EPB41L2: variants seen among roughly 807,000 people sequenced by gnomAD.
EPB41L2 encodes the protein erythrocyte membrane protein band 4.1 like 2, also known as band 4.1-like protein 2.
A neutral mutation model predicts 113.0 loss-of-function variants in EPB41L2; 43 were observed. That is an observed-to-expected ratio of 0.38 (90% CI 0.30 to 0.49). The LOEUF (loss-of-function observed/expected upper bound fraction) is 0.49, where lower values mean the gene tolerates loss of function less well. Ranked by LOEUF, EPB41L2 falls within the 20% of genes least tolerant of loss-of-function variation. EPB41L2 has a pLI of 0.95. For missense variants in EPB41L2, 1,147 were observed against 1,223.4 expected (o/e 0.94, Z 0.93); for synonymous variants, 442 against 436.7 (o/e 1.01, Z -0.15).
intron 4 of EPB41L2, among the ~76,000 whole-genome samples, chr6:130,920,412 C>G (rs1802497659): frequency 6.6e-6 from 1 of 152,170 alleles, no homozygotes; most frequent in Admixed American, 6.5e-5. Flanking sequence ...TTTACATCCT[C>G]TAGTATCATT....
At chr6:130,876,106 T>A (rs915004197) in intron 14 of EPB41L2, among the ~76,000 whole-genome samples, 1 of 152,034 alleles carries the variant, frequency 6.6e-6, no homozygotes, top group Non-Finnish European at 1.5e-5. Flanking sequence ...CCTGGCTAAG[T>A]AAAATCAGTA....
chr6:130,966,107 T>C (rs1170338051), intron 1 of EPB41L2, among the ~76,000 whole-genome samples: 1 of 152,180 alleles, frequency 6.6e-6, no homozygotes, highest in African/African-American at 2.4e-5. Context: ...ATTCAAAGCT[T>C]TCCTGGGCCT....
intron 3 of EPB41L2, among the ~76,000 whole-genome samples, chr6:130,942,471 C>A (rs1811191523): frequency 6.6e-6 from 1 of 152,192 alleles, no homozygotes; most frequent in Non-Finnish European, 1.5e-5. Flanking sequence ...GTAATGATGA[C>A]AGAATGATTC....
intron 1 of EPB41L2, among the ~76,000 whole-genome samples, chr6:130,991,238 T>A (rs573222785): frequency 1.3e-5 from 2 of 152,248 alleles, no homozygotes; most frequent in Admixed American, 6.5e-5. Flanking sequence ...ACTGCCCCCA[T>A]CTGCCATGTT....
chr6:130,881,273 T>A (rs1789232293), intron 12 of EPB41L2: 2 of 152,206 alleles, frequency 1.3e-5, no homozygotes, highest in South Asian at 4.1e-4. Flanking sequence ...TAGTGTCAAA[T>A]CTGAGAGTTC....
Position 130,947,120 on chromosome 6 carries a change from C to A in EPB41L2, c.705+7985G>T, listed in dbSNP as rs115216207. Among the ~76,000 whole-genome samples the A allele has an allele frequency of 3.6e-3, 535 of 149,200 alleles. 1 individual carries two copies. The highest frequency in any genetic ancestry group is 0.013 in the African/African-American group (501 of 40,066). On this transcript the variant is annotated intron_variant, in intron 3 of 19. Coordinates refer to ENST00000337057, the MANE Select transcript of EPB41L2 (RefSeq NM_001431.4). ...TTTGCTAGGTCCTGTATACCAATGA[C>A]TTTACAACCTCTGGTCCATTACTAA...
chr6:130,883,862 T>C (rs1790065653), intron 12 of EPB41L2, among the ~76,000 whole-genome samples: 1 of 152,230 alleles, frequency 6.6e-6, no homozygotes. Flanking sequence ...TCACTTGCTA[T>C]ACAGGTAGCA....
At position 130,869,819 on chromosome 6, in the gene EPB41L2, G is replaced by A. The variant is rs562256924; in HGVS notation, c.2351C>T (p.Ala784Val). ...EEEVEEEPRP[A>V]AKVVEREEAV... is the part of the protein sequence containing the mutation. ...TTCCTCCCTCTCTACTACCTTGGCT[G>A]CCGGGCGGGGTTCTTCCTCCACCTC... Residue 784 changes from alanine (A) to valine (V), a missense_variant, in exon 15 of 20, where the codon GCA becomes GTA. Transcript: ENST00000337057. 5.0e-6 allele frequency: 8 copies of A among 1,613,874 alleles called. No homozygotes were observed. The Admixed American group carries it at 1.2e-4, about 24-fold the overall frequency.
chr6:130,944,157 GTACATACACACACA>G (rs1811891582), intron 3 of EPB41L2, among the ~76,000 whole-genome samples: 1 of 71,554 alleles, frequency 1.4e-5, no homozygotes, highest in African/African-American at 3.9e-5. Context: ...ATATATATAC[GTACATACACACACA>G]TACACACACA....
chr6:130,993,614 C>T (rs6906059), intron 1 of EPB41L2, among the ~76,000 whole-genome samples: 42,591 of 152,052 alleles, frequency 0.28, 7,073 homozygotes, highest in Non-Finnish European at 0.37. Context: ...GCCTCCCTCT[C>T]GATCTTCAGG....
At chr6:130,857,193 T>C (rs148202229) in intron 19 of EPB41L2, among the ~76,000 whole-genome samples, 24 of 152,320 alleles carry the variant, frequency 1.6e-4, no homozygotes, top group African/African-American at 5.1e-4. Flanking sequence ...CCCAACACTA[T>C]TAAAAACATA....
chr6:130,878,194 G>T lies in EPB41L2; in HGVS notation c.1953C>A (p.Leu651=), dbSNP rs1337718262. The change falls in exon 14 of 20, where the codon CTC becomes CTA. Residue 651 remains leucine, a synonymous_variant. Coordinates refer to ENST00000337057, the MANE Select transcript of EPB41L2 (RefSeq NM_001431.4). ...GTGTGGATTCCATAAAATTGCGCTT[G>T]AGTTCACTAATGCTAGCCTGATGTT... is the stretch of plus-strand genomic sequence containing the variant. ...ILKHQASISE[L]KRNFMESTPE... 8 of 1,613,438 alleles carry T rather than the reference G, an allele frequency of 5.0e-6. No homozygotes were observed. Among genetic ancestry groups the T allele is most frequent in the Non-Finnish European group, 5.9e-6 (7 of 1,179,810 alleles).
At chr6:130,943,051 A>C (rs1351882048) in intron 3 of EPB41L2, among the ~76,000 whole-genome samples, 1 of 152,210 alleles carries the variant, frequency 6.6e-6, no homozygotes, top group Non-Finnish European at 1.5e-5. Context: ...GTGCTGCAAT[A>C]AACATACATG....
intron 4 of EPB41L2, among the ~76,000 whole-genome samples, chr6:130,914,632 C>T (rs371524472): frequency 2.0e-5 from 3 of 152,272 alleles, no homozygotes; most frequent in Admixed American, 2.0e-4. Flanking sequence ...GTGACAGCTT[C>T]AGGCAATTCA....
At chr6:130,849,953 G>A (rs1778278642) in intron 19 of EPB41L2, among the ~76,000 whole-genome samples, 1 of 152,154 alleles carries the variant, frequency 6.6e-6, no homozygotes, top group Admixed American at 6.5e-5. Context: ...CCCTTGGTGG[G>A]CAAGCAGTGG....
intron 1 of EPB41L2, among the ~76,000 whole-genome samples, chr6:131,013,923 C>T (rs1223440749): frequency 6.6e-6 from 1 of 152,168 alleles, no homozygotes; most frequent in East Asian, 1.9e-4. Flanking sequence ...TTCGGAATCA[C>T]AGCTGTTTCT....
Position 130,886,639 on chromosome 6 carries a change from GTT to G in EPB41L2, c.1661-1373_1661-1372del, listed in dbSNP as rs1491057003. On this transcript the variant is annotated intron_variant, in intron 11 of 19. Coordinates refer to ENST00000337057, the MANE Select transcript of EPB41L2 (RefSeq NM_001431.4). Reference sequence around the variant, plus strand: ...AGCGGTTTTTGTTGTTGTTGTTGTTGTTGTTTGTTTTTGAGACACAGTCTCGC... The same window carrying G: ...AGCGGTTTTTGTTGTTGTTGTTGTTGGTTTGTTTTTGAGACACAGTCTCGC... Among the ~76,000 whole-genome samples the G allele has an allele frequency of 2.6e-5, 4 of 151,556 alleles. No homozygotes were observed. The East Asian group carries it at 7.8e-4, about 30-fold the overall frequency.
chr6:130,851,824 C>T (rs774809458), intron 19 of EPB41L2, among the ~76,000 whole-genome samples: 43 of 152,176 alleles, frequency 2.8e-4, no homozygotes, highest in Non-Finnish European at 5.1e-4. Context: ...GTGTCACCTC[C>T]GCCTTTTCCC....
At chr6:130,861,663 G>A (rs1382434720) in intron 18 of EPB41L2, among the ~76,000 whole-genome samples, 2 of 152,064 alleles carry the variant, frequency 1.3e-5, no homozygotes. Context: ...CCTGAGGTCA[G>A]GAGTTCGAGA....
Sources: gnomAD v4.1 joint callset for allele counts (sites outside exome capture counted in the v4.1 genomes callset) on GRCh38, gnomAD v4.1.1 for gene constraint, MANE v1.5 for transcripts, NCBI Gene and HGNC (gene_info 2026-07-23, HGNC 2026-07-21) for gene names.